Variants in MINDY3 observed in about 807,000 individuals in gnomAD.
MINDY3 encodes the protein ubiquitin carboxyl-terminal hydrolase MINDY-3.
MINDY3 carries 38 observed loss-of-function variants against 69.2 expected under a neutral mutation model. The observed-to-expected ratio is 0.55, with a 90% CI of 0.42 to 0.72. The LOEUF (loss-of-function observed/expected upper bound fraction) is 0.72. MINDY3 is among the 30% of genes least tolerant of loss of function. The pLI is 0.00. For missense variants in MINDY3, 522 were observed against 519.0 expected (o/e 1.01, Z -0.06); for synonymous variants, 192 against 180.1 (o/e 1.07, Z -0.53).
intron 1 of MINDY3, among the ~76,000 whole-genome samples, chr10:15,859,386 C>A (rs568994934): frequency 6.6e-6 from 1 of 152,284 alleles, no homozygotes; most frequent in Non-Finnish European, 1.5e-5. Flanking sequence ...TTAACCTCAT[C>A]ATCATCTTTC....
intron 10 of MINDY3, among the ~76,000 whole-genome samples, chr10:15,811,111 C>G (rs1189654421): frequency 1.3e-5 from 2 of 151,890 alleles, no homozygotes; most frequent in Non-Finnish European, 2.9e-5. Context: ...GAACACGGGC[C>G]ACAAGCTTCG....
chr10:15,841,286 T>TAATTAA, intron 4 of MINDY3, 140 bp downstream of exon 4: 1 of 647,068 alleles, frequency 1.5e-6, no homozygotes, highest in South Asian at 2.3e-5. Context: ...TAAAAAATAG[T>TAATTAA]GAGGCTCAGT....
At chr10:15,799,855 G>T (rs1262756092) in intron 10 of MINDY3, among the ~76,000 whole-genome samples, 1 of 152,086 alleles carries the variant, frequency 6.6e-6, no homozygotes, top group Non-Finnish European at 1.5e-5. Flanking sequence ...GGCACACTAC[G>T]AACACTCACT....
At position 15,813,014 on chromosome 10, in the gene MINDY3, T is replaced by C. The variant is rs111998805; in HGVS notation, c.882+3821A>G. Among the ~76,000 whole-genome samples, 216 of 152,106 alleles carry C rather than the reference T, an allele frequency of 1.4e-3. 1 individual carries two copies. Among genetic ancestry groups the C allele is most frequent in the African/African-American group, 5.0e-3 (206 of 41,406 alleles). ...ACTCTTTGCTTACCTGAAATAGAAC[T>C]AGAGAAGTCTTTTTTACCTATTCCC... On this transcript the variant is annotated intron_variant, in intron 10 of 14. Transcript: ENST00000277632.
intron 9 of MINDY3, chr10:15,817,191 T>C (rs769184460): frequency 3.6e-6 from 1 of 280,118 alleles, no homozygotes; most frequent in Non-Finnish European, 6.6e-6. Context: ...CTAAGAGTCA[T>C]TCTCAGGTTT....
chr10:15,859,032 C>T (rs1239665375), intron 1 of MINDY3, among the ~76,000 whole-genome samples: 1 of 152,180 alleles, frequency 6.6e-6, no homozygotes, highest in African/African-American at 2.4e-5. Flanking sequence ...CTGGAATCCA[C>T]TCCCAGTTCT....
chr10:15,847,306 T>A (rs1028910544), intron 2 of MINDY3, among the ~76,000 whole-genome samples: 11 of 152,334 alleles, frequency 7.2e-5, no homozygotes, highest in Admixed American at 7.2e-4. Flanking sequence ...GACATTCCGA[T>A]AAATCCTATG....
At chr10:15,782,094 A>G (rs1836584853) in intron 14 of MINDY3, 61 bp downstream of exon 14, 1 of 1,185,214 alleles carries the variant, frequency 8.4e-7, no homozygotes, top group East Asian at 2.4e-5. Context: ...ACATTGTTAC[A>G]TACTCACATA....
chr10:15,829,547 G>C (rs1228340829), intron 8 of MINDY3, among the ~76,000 whole-genome samples: 1 of 152,186 alleles, frequency 6.6e-6, no homozygotes, highest in East Asian at 1.9e-4. Context: ...GGTTGAGTAC[G>C]AACACAGAGG....
At position 15,797,632 on chromosome 10, in the gene MINDY3, A is replaced by G. The variant is rs1021530025; in HGVS notation, c.883-1460T>C. ...TTATATTTGCACAGCAGGTCACCAG[A>G]GTGGGATGGCTGGGTCAAAGAAAGG... On this transcript the variant is annotated intron_variant, in intron 10 of 14. Transcript: ENST00000277632. Among the ~76,000 whole-genome samples the G allele has an allele frequency of 4.5e-4, 68 of 152,108 alleles. 1 individual carries two copies. The highest frequency in any genetic ancestry group is 1.6e-3 in the African/African-American group (67 of 41,440).
intron 14 of MINDY3, among the ~76,000 whole-genome samples, chr10:15,780,810 A>G (rs75290469): frequency 0.035 from 5,250 of 152,174 alleles, 279 homozygotes; most frequent in African/African-American, 0.12. Flanking sequence ...CTTGTCACAA[A>G]CATGATTTGA....
At chr10:15,841,202 A>G (rs969554007) in intron 4 of MINDY3, among the ~76,000 whole-genome samples, 1 of 151,532 alleles carries the variant, frequency 6.6e-6, no homozygotes, top group Non-Finnish European at 1.5e-5. Context: ...GAACATTTTT[A>G]AAAGTTTAAG....
In MINDY3 at chr10:15,849,345, G is replaced by A. The variant is rs572357851; in HGVS notation, c.95-1402C>T. ...GGTAGGATGGAGGTGCCAGCAAATG[G>A]GCGGCAGGAAAGATGACAAGTGGTT... On this transcript the variant is annotated intron_variant, in intron 1 of 14. Transcript: ENST00000277632. Among the ~76,000 whole-genome samples, 4 of 152,242 alleles carry A rather than the reference G, an allele frequency of 2.6e-5. No individual in the cohort carries two copies. In the East Asian group the frequency reaches 7.7e-4, roughly 29 times the overall value.
chr10:15,848,008 C>A, intron 1 of MINDY3, 65 bp from the exon 2 acceptor site: 1 of 1,314,578 alleles, frequency 7.6e-7, no homozygotes, highest in Non-Finnish European at 1.1e-6. Flanking sequence ...AAGAATCTTT[C>A]ATGTACTTTG....
At chr10:15,787,761 T>C (rs937291440) in intron 12 of MINDY3, among the ~76,000 whole-genome samples, 11 of 152,258 alleles carry the variant, frequency 7.2e-5, no homozygotes, top group Admixed American at 3.9e-4. Flanking sequence ...TCTTGTATAG[T>C]ATACTGTACA....
intron 9 of MINDY3, among the ~76,000 whole-genome samples, chr10:15,820,508 G>T (rs972766007): frequency 2.0e-5 from 3 of 152,068 alleles, no homozygotes; most frequent in South Asian, 2.1e-4. Flanking sequence ...GTGTGTATAT[G>T]TGTTAGGGGG....
chr10:15,821,674 T>C lies in MINDY3; in HGVS notation c.783A>G (p.Glu261=). ...QAAVGFLTLM[E]ALRYCKVGSY... is the part of the protein sequence containing the mutation. The stretch of plus-strand genomic sequence containing the variant: ...AATTTACCTTACAGTATCTTAAAGC[T>C]TCCATTAGTGTTAAAAATCCTACTG... Residue 261 remains glutamate, a synonymous_variant, in exon 9 of 15, where the codon GAA becomes GAG. Transcript: ENST00000277632. 1 of 1,611,278 alleles carries C rather than the reference T, an allele frequency of 6.2e-7. No homozygotes were observed.
At chr10:15,832,304 T>C (rs1215014081) in intron 8 of MINDY3, among the ~76,000 whole-genome samples, 2 of 151,954 alleles carry the variant, frequency 1.3e-5, no homozygotes, top group South Asian at 2.1e-4. Flanking sequence ...ATTGCTTCCC[T>C]AATCATATGA....
intron 3 of MINDY3, 129 bp from the exon 4 acceptor site, chr10:15,841,728 A>G: frequency 1.9e-6 from 1 of 526,030 alleles, no homozygotes; most frequent in Non-Finnish European, 3.3e-6. Context: ...AAAAATCTCT[A>G]AATAGATTTT....
Sources: gnomAD v4.1 joint callset for allele counts (sites outside exome capture counted in the v4.1 genomes callset) on GRCh38, gnomAD v4.1.1 for gene constraint, MANE v1.5 for transcripts, NCBI Gene and HGNC (gene_info 2026-07-23, HGNC 2026-07-21) for gene names.